Variants in PCDH11X observed in about 807,000 individuals in gnomAD.
PCDH11X encodes protocadherin-11 X-linked.
In PCDH11X, 18 loss-of-function variants were observed where a neutral mutation model predicts 53.3. The observed-to-expected ratio is 0.34, with a 90% CI of 0.23 to 0.50. The LOEUF (loss-of-function observed/expected upper bound fraction) is 0.50, where lower values mean the gene tolerates loss of function less well. Ranked by LOEUF, PCDH11X falls within the 20% of genes least tolerant of loss-of-function variation. The pLI is 0.98. For synonymous variants in PCDH11X, 279 were observed against 393.3 expected (o/e 0.71, Z 3.44); for missense variants, 570 against 1,032.4 (o/e 0.55, Z 6.14).
chrX:92,171,324 T>C (rs1190278233), intron 6 of PCDH11X, among the ~76,000 whole-genome samples: 1 of 106,551 alleles, frequency 9.4e-6, no homozygotes, highest in Non-Finnish European at 1.9e-5. Context: ...TTTTAAAAAA[T>C]ACTGATACCT....
intron 8 of PCDH11X, among the ~76,000 whole-genome samples, chrX:92,320,726 G>A (rs1267023213): frequency 9.0e-6 from 1 of 111,508 alleles, no homozygotes; most frequent in Non-Finnish European, 1.9e-5. Context: ...AGGGGTTACA[G>A]CCTGTAAGGG....
chrX:92,447,079 G>C (rs993428772), intron 9 of PCDH11X, among the ~76,000 whole-genome samples: 2 of 112,063 alleles, frequency 1.8e-5, no homozygotes, highest in Admixed American at 1.9e-4. Flanking sequence ...AAGTGGCAAA[G>C]CATTCAAGAG....
At chrX:92,081,388 C>T (rs1442656898) in intron 6 of PCDH11X, among the ~76,000 whole-genome samples, 1 of 109,859 alleles carries the variant, frequency 9.1e-6, no homozygotes, top group Non-Finnish European at 1.9e-5. Context: ...TACATGTTTC[C>T]CTCCCCAGAA....
chrX:91,891,154 G>T (rs1449250192), intron 6 of PCDH11X, among the ~76,000 whole-genome samples: 1 of 109,486 alleles, frequency 9.1e-6, no homozygotes, highest in Non-Finnish European at 1.9e-5. Context: ...GAATGAACAG[G>T]TTTTTGTATG....
chrX:91,858,636 C>T (rs1268039509), intron 5 of PCDH11X, among the ~76,000 whole-genome samples: 3 of 108,247 alleles, frequency 2.8e-5, no homozygotes, highest in Admixed American at 2.0e-4. Context: ...CTGCCGGATA[C>T]CCTAAATCAT....
At chrX:91,795,422 T>A (rs1398613880) in intron 1 of PCDH11X, among the ~76,000 whole-genome samples, 3 of 110,660 alleles carry the variant, frequency 2.7e-5, no homozygotes, top group Non-Finnish European at 5.7e-5. Flanking sequence ...TACATTTTTT[T>A]AAATCACATG....
intron 9 of PCDH11X, among the ~76,000 whole-genome samples, chrX:92,402,300 A>G (rs1405879025): frequency 1.8e-5 from 2 of 111,980 alleles, no homozygotes; most frequent in African/African-American, 3.2e-5. Context: ...TAAAATTCAT[A>G]TGGAACCAAA....
chrX:92,477,392 C>G (rs1311395561), intron 10 of PCDH11X, among the ~76,000 whole-genome samples: 1 of 103,788 alleles, frequency 9.6e-6, no homozygotes, highest in Admixed American at 1.1e-4. Flanking sequence ...CAACATGAGG[C>G]CATGGAGAAT....
intron 6 of PCDH11X, among the ~76,000 whole-genome samples, chrX:92,085,090 T>G (rs1414873206): frequency 9.0e-6 from 1 of 110,694 alleles, no homozygotes; most frequent in African/African-American, 3.3e-5. Context: ...GTGTGGACAG[T>G]GAGCTCTTAT....
chrX:92,388,371 T>C (rs981925727), intron 9 of PCDH11X, among the ~76,000 whole-genome samples: 2 of 108,210 alleles, frequency 1.8e-5, no homozygotes, highest in African/African-American at 3.4e-5. Context: ...AGATCCTGAC[T>C]CCAATGTAGG....
intron 8 of PCDH11X, among the ~76,000 whole-genome samples, chrX:92,334,833 T>G (rs1202771542): frequency 9.0e-6 from 1 of 111,196 alleles, no homozygotes; most frequent in Non-Finnish European, 1.9e-5. Flanking sequence ...TAGCTTACTT[T>G]ATTATAAGAA....
intron 5 of PCDH11X, among the ~76,000 whole-genome samples, chrX:91,859,437 C>T (rs1938536305): frequency 9.1e-6 from 1 of 109,563 alleles, no homozygotes; most frequent in Non-Finnish European, 1.9e-5. Context: ...ATGATTGTTT[C>T]TTTTGTTGTG....
At chrX:91,928,925 T>C (rs928662632) in intron 6 of PCDH11X, among the ~76,000 whole-genome samples, 2 of 110,846 alleles carry the variant, frequency 1.8e-5, no homozygotes, top group African/African-American at 6.5e-5. Context: ...ATCAAATCCT[T>C]AGGTGTAGTG....
At chrX:92,152,786 TG>T (rs1569393568) in intron 6 of PCDH11X, among the ~76,000 whole-genome samples, 126 of 105,329 alleles carry the variant, frequency 1.2e-3, no homozygotes, top group East Asian at 3.1e-3. Context: ...TATGTATGTA[TG>T]TATGTATGTA....
At chrX:92,484,337 G>A (rs1295813321) in intron 10 of PCDH11X, among the ~76,000 whole-genome samples, 3 of 102,148 alleles carry the variant, frequency 2.9e-5, no homozygotes, top group African/African-American at 1.1e-4. Context: ...TAGATCGAAT[G>A]GTACATCTAC....
intron 6 of PCDH11X, among the ~76,000 whole-genome samples, chrX:92,021,818 ACT>A (rs2052952905): frequency 9.2e-6 from 1 of 108,979 alleles, no homozygotes; most frequent in African/African-American, 3.3e-5. Flanking sequence ...CTAACAGCAG[ACT>A]CTCAGCAGAA....
At chrX:91,988,312 A>C (rs2062259112) in intron 6 of PCDH11X, among the ~76,000 whole-genome samples, 1 of 109,103 alleles carries the variant, frequency 9.2e-6, no homozygotes, top group African/African-American at 3.4e-5. Flanking sequence ...TCCTCCTCAT[A>C]CTGAAGTAAT....
chrX:92,231,594 G>A (rs1262925954), intron 7 of PCDH11X, among the ~76,000 whole-genome samples: 2 of 111,695 alleles, frequency 1.8e-5, no homozygotes, highest in South Asian at 3.7e-4. Context: ...TAGACCTACA[G>A]GGCCTTTAAT....
At chrX:91,837,832 C>CGTAGCT (rs1937359507) in intron 5 of PCDH11X, among the ~76,000 whole-genome samples, 1 of 111,329 alleles carries the variant, frequency 9.0e-6, no homozygotes. Context: ...ACCAGTCACA[C>CGTAGCT]GTAGCTGTAG....
Sources: gnomAD v4.1 joint callset for allele counts (sites outside exome capture counted in the v4.1 genomes callset) on GRCh38, gnomAD v4.1.1 for gene constraint, MANE v1.5 for transcripts, NCBI Gene and HGNC (gene_info 2026-07-23, HGNC 2026-07-21) for gene names.